The following MEIKIN variants were observed in gnomAD, a reference collection of about 807,000 sequenced individuals.
MEIKIN encodes the protein meiotic kinetochore factor.
At chr5:131,920,337 A>C (rs1188411193) in intron 6 of MEIKIN, among the ~76,000 whole-genome samples, 1 of 152,238 alleles carries the variant, frequency 6.6e-6, no homozygotes, top group Non-Finnish European at 1.5e-5. Context: ...AGTAGCAGGA[A>C]AGAACAGAAT....
intron 11 of MEIKIN, among the ~76,000 whole-genome samples, chr5:131,830,885 A>G (rs1174950493): frequency 6.6e-6 from 1 of 151,956 alleles, no homozygotes; most frequent in South Asian, 2.1e-4. Flanking sequence ...AAAACCTACA[A>G]ATCTGAGGAG....
intron 12 of MEIKIN, among the ~76,000 whole-genome samples, chr5:131,816,658 T>C (rs914386392): frequency 1.3e-5 from 2 of 152,254 alleles, no homozygotes; most frequent in African/African-American, 4.8e-5. Flanking sequence ...CTCTCTTTAA[T>C]GTTTTCCATA....
chr5:131,942,273 G>A (rs1751880864), intron 4 of MEIKIN, among the ~76,000 whole-genome samples: 1 of 152,144 alleles, frequency 6.6e-6, no homozygotes, highest in Non-Finnish European at 1.5e-5. Context: ...TCAGTCCCAT[G>A]TTAGAGCTTC....
At chr5:131,864,707 T>C (rs1448734268) in intron 9 of MEIKIN, among the ~76,000 whole-genome samples, 3 of 152,234 alleles carry the variant, frequency 2.0e-5, no homozygotes. Flanking sequence ...GACATTTTTA[T>C]GTTGTATCTG....
chr5:131,940,192 A>G (rs1366937918), intron 4 of MEIKIN, among the ~76,000 whole-genome samples: 1 of 152,214 alleles, frequency 6.6e-6, no homozygotes, highest in African/African-American at 2.4e-5. Flanking sequence ...GAGGCTTCCC[A>G]GGAGAAATAG....
At chr5:131,901,829 GA>G (rs953692384) in intron 8 of MEIKIN, among the ~76,000 whole-genome samples, 3 of 151,104 alleles carry the variant, frequency 2.0e-5, no homozygotes, top group Admixed American at 6.6e-5. Context: ...CAGGGCAAAA[GA>G]AAAAAAAATC....
chr5:131,902,368 G>A (rs1751173306), intron 8 of MEIKIN, among the ~76,000 whole-genome samples: 1 of 152,116 alleles, frequency 6.6e-6, no homozygotes, highest in Admixed American at 6.5e-5. Flanking sequence ...GGGAGGTGGA[G>A]GTTGTGGTAA....
Position 131,935,263 on chromosome 5 carries a change from T to G in MEIKIN, c.350-1622A>C, listed in dbSNP as rs567714913. On this transcript the variant is annotated intron_variant, in intron 4 of 12. Coordinates refer to ENST00000442687, the MANE Select transcript of MEIKIN (RefSeq NM_001303622.2). ...CTGAGCAACATAGTGGAACCCCGTCTCTACAAAAAAAAAAAAAAAAAAAAA... is the reference window on the plus strand; with the variant it reads ...CTGAGCAACATAGTGGAACCCCGTCGCTACAAAAAAAAAAAAAAAAAAAAA... Among the ~76,000 whole-genome samples, 50 of 85,096 alleles carry G rather than the reference T, an allele frequency of 5.9e-4. No homozygotes were observed. The East Asian group carries it at 0.016, about 28-fold the overall frequency. The allele number at this position is 85,096 out of a possible 152,430, so 55.8% of individuals were successfully genotyped here. A position where few individuals can be genotyped will look rare whatever the true frequency, so the allele number is the denominator to read the frequency against.
At chr5:131,891,328 C>A (rs1375700469) in intron 8 of MEIKIN, among the ~76,000 whole-genome samples, 2 of 152,152 alleles carry the variant, frequency 1.3e-5, no homozygotes, top group African/African-American at 4.8e-5. Context: ...GTTAAAGTCT[C>A]CCACTATTAT....
At chr5:131,930,075 T>C (rs1209650966) in intron 5 of MEIKIN, among the ~76,000 whole-genome samples, 2 of 152,222 alleles carry the variant, frequency 1.3e-5, no homozygotes, top group Admixed American at 1.3e-4. Context: ...TAGTTCTAGG[T>C]TCTTTGAGAA....
At chr5:131,890,485 T>A (rs891212922) in intron 8 of MEIKIN, among the ~76,000 whole-genome samples, 2 of 152,222 alleles carry the variant, frequency 1.3e-5, no homozygotes, top group Admixed American at 1.3e-4. Context: ...TTCTTCTAGA[T>A]TTTCTAGTTT....
At chr5:131,897,162 G>A (rs1260782248) in intron 8 of MEIKIN, among the ~76,000 whole-genome samples, 1 of 152,210 alleles carries the variant, frequency 6.6e-6, no homozygotes, top group Non-Finnish European at 1.5e-5. Context: ...GGCTGGATAT[G>A]AAATTCTGGG....
chr5:131,915,075 C>G lies in MEIKIN; in HGVS notation c.638+1811G>C, dbSNP rs1229459088. Among the ~76,000 whole-genome samples the G allele has an allele frequency of 3.3e-5, 5 of 152,106 alleles. No individual in the cohort carries two copies. The East Asian group carries it at 9.6e-4, about 29-fold the overall frequency. ...TTCCTGGGCATTGAGAACAAGTTCT[C>G]AAGGTTCCATACACCAAGGGCAATG... On this transcript the variant is annotated intron_variant, in intron 7 of 12. Coordinates refer to ENST00000442687, the MANE Select transcript of MEIKIN (RefSeq NM_001303622.2).
intron 9 of MEIKIN, among the ~76,000 whole-genome samples, chr5:131,874,523 A>C (rs1222343721): frequency 1.3e-5 from 2 of 152,204 alleles, no homozygotes; most frequent in African/African-American, 4.8e-5. Flanking sequence ...CAACGAAAAA[A>C]GTCCAGGACC....
intron 8 of MEIKIN, among the ~76,000 whole-genome samples, chr5:131,894,623 T>C (rs1450085614): frequency 6.6e-6 from 1 of 152,220 alleles, no homozygotes; most frequent in Non-Finnish European, 1.5e-5. Flanking sequence ...GCATCCCTTG[T>C]AAGTTGGATT....
chr5:131,919,355 A>T (rs966256706), intron 6 of MEIKIN, among the ~76,000 whole-genome samples: 1 of 152,174 alleles, frequency 6.6e-6, no homozygotes, highest in Non-Finnish European at 1.5e-5. Flanking sequence ...TTACCTTTTG[A>T]CCCAGCTATC....
chr5:131,862,928 G>C (rs1750312412), intron 9 of MEIKIN, among the ~76,000 whole-genome samples: 1 of 152,030 alleles, frequency 6.6e-6, no homozygotes. Context: ...CAAACTCCTG[G>C]CCTCAAGTGA....
At chr5:131,860,505 G>A (rs1465922094) in intron 9 of MEIKIN, among the ~76,000 whole-genome samples, 1 of 151,936 alleles carries the variant, frequency 6.6e-6, no homozygotes, top group Non-Finnish European at 1.5e-5. Context: ...GACTGCAGTG[G>A]TGTGATCTCG....
intron 9 of MEIKIN, among the ~76,000 whole-genome samples, chr5:131,855,372 TG>T (rs1750175307): frequency 6.6e-6 from 1 of 152,132 alleles, no homozygotes; most frequent in Non-Finnish European, 1.5e-5. Context: ...TAAAGTAGGA[TG>T]TAGGCTCATT....
Sources: allele counts gnomAD v4.1 joint callset (sites outside exome capture counted in the v4.1 genomes callset), GRCh38; gene constraint gnomAD v4.1.1; transcripts MANE v1.5; gene names NCBI Gene and HGNC (gene_info 2026-07-23, HGNC 2026-07-21).